Variants in BCORL1 observed in about 807,000 individuals in gnomAD.
The protein encoded by BCORL1 is BCL6 corepressor like 1, also known as BCL-6 corepressor-like protein 1.
In BCORL1, 7 loss-of-function variants were observed where a neutral mutation model predicts 87.6. The ratio of observed to expected loss-of-function variants is 0.08; its 90% CI spans 0.05 to 0.15. The LOEUF (loss-of-function observed/expected upper bound fraction) is 0.15, where lower values mean the gene tolerates loss of function less well. Ranked by LOEUF, BCORL1 falls within the 10% of genes least tolerant of loss-of-function variation. The pLI, the probability that BCORL1 is intolerant of heterozygous loss-of-function variation, is 1.00. For synonymous variants in BCORL1, 591 were observed against 634.4 expected, an observed-to-expected ratio of 0.93 and a Z score of 1.03; for missense variants, 1,215 against 1,499.7, an observed-to-expected ratio of 0.81 and a Z score of 3.13.
intron 1 of BCORL1, among the ~76,000 whole-genome samples, chrX:129,989,444 CTTTTTTTTTTTTTTTTTTTTTT>C (rs55654985): frequency 1.7e-4 from 3 of 17,757 alleles, no homozygotes; most frequent in Non-Finnish European, 2.9e-4. Flanking sequence ...CCGCACCCGT[CTTTTTTTTTTTTTTTTTTTTTT>C]TTTTTTTTTT....
At chrX:130,004,291 C>T (rs1722629343) in intron 1 of BCORL1, among the ~76,000 whole-genome samples, 1 of 97,302 alleles carries the variant, frequency 1.0e-5, no homozygotes, top group African/African-American at 4.0e-5. Context: ...GTGGCCCAGG[C>T]TGGAGTGCGC....
Position 130,015,905 on chromosome X carries a change from G to A in BCORL1, c.3133G>A (p.Asp1045Asn). ...GCGCCCACAGCTTGGAAGCCAGGTG[G>A]ATCTGGGGCGAGTGAAAATGGAGAA... ...TERPQLGSQV[D>N]LGRVKMEKVD... The change falls in exon 4 of 14, where the codon GAT (aspartate) becomes AAT (asparagine). Residue 1045 changes from aspartate to asparagine, a missense_variant. Physicochemically the swap from Asp to Asn is conservative, Grantham distance 23 (BLOSUM62 1). Around this residue, in one of 5 missense-constraint regions of BCORL1, gnomAD observed 861 missense variants for 1,010.0 expected, o/e 0.85. Coordinates refer to ENST00000540052, the MANE Select transcript of BCORL1 (RefSeq NM_001379451.1). The A allele has an allele frequency of 6.6e-6, 8 of 1,211,904 alleles. No individual in the cohort carries two copies. Among genetic ancestry groups the A allele is most frequent in the African/African-American group, 1.7e-5 (1 of 57,836 alleles).
intron 1 of BCORL1, among the ~76,000 whole-genome samples, chrX:129,983,282 G>GA (rs746546966): frequency 9.1e-6 from 1 of 109,346 alleles, no homozygotes; most frequent in Non-Finnish European, 1.9e-5. Context: ...TCCTGGGGGG[G>GA]AAACCATAGG....
At chrX:129,988,729 G>A (rs1227250026) in intron 1 of BCORL1, among the ~76,000 whole-genome samples, 2 of 111,657 alleles carry the variant, frequency 1.8e-5, no homozygotes, top group Admixed American at 9.6e-5. Flanking sequence ...TGGGTCTGCT[G>A]AGAAACAAAA....
intron 1 of BCORL1, among the ~76,000 whole-genome samples, chrX:130,001,581 T>C (rs150271709): frequency 0.011 from 1,207 of 110,753 alleles, 20 homozygotes; most frequent in African/African-American, 0.037. Flanking sequence ...CATGATGACA[T>C]TTAAGCTGAG....
chrX:130,012,823 C>T, intron 3 of BCORL1, 127 bp from the exon 4 acceptor site: 2 of 1,072,958 alleles, frequency 1.9e-6, no homozygotes, highest in Non-Finnish European at 2.5e-6. Flanking sequence ...GCTGGCTGCC[C>T]TCTGCGTCTT....
intron 1 of BCORL1, among the ~76,000 whole-genome samples, chrX:130,002,361 CTG>C (rs954680489): frequency 1.8e-5 from 2 of 108,880 alleles, no homozygotes; most frequent in Non-Finnish European, 3.8e-5. Flanking sequence ...CGAGCTGAAA[CTG>C]TGGAAGCTCA....
intron 1 of BCORL1, among the ~76,000 whole-genome samples, chrX:129,995,523 C>A (rs1927502793): frequency 9.1e-6 from 1 of 110,151 alleles, no homozygotes; most frequent in African/African-American, 3.3e-5. Flanking sequence ...TCACTGCAAC[C>A]TTTGCCTCCC....
At chrX:130,003,374 C>CTT (rs59574323) in intron 1 of BCORL1, among the ~76,000 whole-genome samples, 140 of 91,492 alleles carry the variant, frequency 1.5e-3, no homozygotes, top group African/African-American at 4.9e-3. Flanking sequence ...TCTTCTTCTT[C>CTT]TTTTTTTTTT....
intron 1 of BCORL1, among the ~76,000 whole-genome samples, chrX:129,991,962 C>T (rs751443910): frequency 2.8e-5 from 3 of 105,903 alleles, no homozygotes; most frequent in South Asian, 4.5e-4. Context: ...CCGTGCCTGG[C>T]GCTTTTTATT....
chrX:130,037,556 C>T (rs779504524), intron 10 of BCORL1, 23 bp downstream of exon 10: 15 of 1,181,842 alleles, frequency 1.3e-5, no homozygotes, highest in African/African-American at 3.5e-5. Flanking sequence ...CATCTCCCCC[C>T]AGTCCCGCCC....
chrX:129,996,082 T>G (rs1927543571), intron 1 of BCORL1, among the ~76,000 whole-genome samples: 1 of 111,140 alleles, frequency 9.0e-6, no homozygotes, highest in South Asian at 3.8e-4. Flanking sequence ...TAGATGCTGT[T>G]TTTTCCCAAG....
intron 1 of BCORL1, among the ~76,000 whole-genome samples, chrX:130,004,240 G>GTTTT (rs1569361713): frequency 5.1e-5 from 5 of 98,508 alleles, no homozygotes; most frequent in African/African-American, 1.7e-4. Context: ...AGAAATGTGT[G>GTTTT]GTTTTTTTTT....
chrX:130,054,443 G>A (rs2124590334), intron 13 of BCORL1, among the ~76,000 whole-genome samples: 1 of 111,230 alleles, frequency 9.0e-6, no homozygotes, highest in Admixed American at 9.6e-5. Context: ...AGAGAAGGAT[G>A]GAGCAAGGCA....
rs537443044 is a variant in BCORL1, at chrX:130,025,098, G to A, written c.3797G>A (p.Arg1266Gln). 2.9e-5 allele frequency: 35 copies of A among 1,210,112 alleles called. No homozygotes were observed. Among genetic ancestry groups the A allele is most frequent in the South Asian group, 1.2e-4 (7 of 56,803 alleles). ...EEVTPTPAKRRKVRKTQRDTQ... is the reference protein window; with the variant it reads ...EEVTPTPAKRQKVRKTQRDTQ... ...GTAACCCCCACCCCAGCTAAGCGTC[G>A]AAAGGTGAGAAAGACCCAACGGGAC... Residue 1266 changes from arginine (R) to glutamine (Q), a missense_variant, in exon 7 of 14, where the codon CGA becomes CAA. Around this residue, in one of 5 missense-constraint regions of BCORL1, gnomAD observed 166 missense variants for 196.5 expected, o/e 0.84. Coordinates refer to ENST00000540052, the MANE Select transcript of BCORL1 (RefSeq NM_001379451.1).
intron 2 of BCORL1, among the ~76,000 whole-genome samples, chrX:130,008,599 A>G (rs1207252307): frequency 9.0e-6 from 1 of 111,634 alleles, no homozygotes; most frequent in Non-Finnish European, 1.9e-5. Context: ...TTTTGATCTC[A>G]TCCACCCTTT....
chrX:129,997,233 T>C (rs1382033700), intron 1 of BCORL1, among the ~76,000 whole-genome samples: 1 of 111,494 alleles, frequency 9.0e-6, no homozygotes, highest in Non-Finnish European at 1.9e-5. Context: ...GAGAACACAT[T>C]CTCTCTAAAC....
chrX:130,043,780 A>T (rs1278539672), intron 11 of BCORL1, among the ~76,000 whole-genome samples: 342 of 21,684 alleles, frequency 0.016, 34 homozygotes, highest in African/African-American at 0.11. Flanking sequence ...ATATATATAT[A>T]TATATTTTTT....
At chrX:130,044,886 T>C (rs1400221552) in intron 11 of BCORL1, among the ~76,000 whole-genome samples, 1 of 112,866 alleles carries the variant, frequency 8.9e-6, no homozygotes, top group Non-Finnish European at 1.9e-5. Flanking sequence ...AAGCAGAAGA[T>C]AGATAATTCA....
Sources: gnomAD v4.1 joint callset for allele counts (sites outside exome capture counted in the v4.1 genomes callset) on GRCh38, gnomAD v4.1.1 for gene constraint, gnomAD v4.1.1 regional missense constraint, MANE v1.5 for transcripts, NCBI Gene and HGNC (gene_info 2026-07-23, HGNC 2026-07-21) for gene names.